The following SPMIP1 variants were observed in gnomAD, a reference collection of about 807,000 sequenced individuals.
SPMIP1 encodes the protein sperm microtubule inner protein 1, also known as protein SPMIP1.
the SPMIP1 span, chr7:128,866,583 C>T: frequency 6.5e-7 from 1 of 1,535,536 alleles, no homozygotes; most frequent in Non-Finnish European, 8.7e-7. Flanking sequence ...CCCTGCACCC[C>T]AAAGCCCCAC....
chr7:128,871,379 A>G, the SPMIP1 span: 1 of 152,242 alleles, frequency 6.6e-6, no homozygotes, highest in South Asian at 2.1e-4. Context: ...GGCCCAGAGA[A>G]GAAACCCGCT....
chr7:128,868,867 T>G, the SPMIP1 span: 1 of 801,806 alleles, frequency 1.2e-6, no homozygotes, highest in African/African-American at 1.7e-5. Context: ...GCCCCTCTGC[T>G]CTCCCTGTCC....
chr7:128,866,635 C>G, the SPMIP1 span: 3 of 1,308,474 alleles, frequency 2.3e-6, no homozygotes, highest in Non-Finnish European at 3.0e-6. Flanking sequence ...TTCCAAGGTG[C>G]CCAGCCCTGT....
chr7:128,868,866 C>A, the SPMIP1 span: 1 of 802,640 alleles, frequency 1.2e-6, no homozygotes, highest in South Asian at 1.7e-5. Context: ...TGCCCCTCTG[C>A]TCTCCCTGTC....
the SPMIP1 span, chr7:128,871,319 C>T: frequency 1.3e-5 from 2 of 152,238 alleles, no homozygotes; most frequent in Non-Finnish European, 2.9e-5. Context: ...TGCTGGGTGC[C>T]TGGGTTCCTC....
At chr7:128,869,153 C>T in the SPMIP1 span, 1 of 355,496 alleles carries the variant, frequency 2.8e-6, no homozygotes, top group Non-Finnish European at 5.0e-6. Context: ...CCTCCTTGCC[C>T]GCCCCTCACC....
At chr7:128,866,788 C>T in the SPMIP1 span, 11 of 1,535,716 alleles carry the variant, frequency 7.2e-6, no homozygotes, top group Middle Eastern at 1.7e-4. Flanking sequence ...GACGCGATAC[C>T]TCTTCCCCAT....
chr7:128,866,663 A>C, the SPMIP1 span: 7 of 1,519,932 alleles, frequency 4.6e-6, no homozygotes, highest in East Asian at 1.7e-4. Flanking sequence ...GCGCCTTTTC[A>C]GTCGGAAATG....
At chr7:128,867,588 T>G in the SPMIP1 span, among the ~76,000 whole-genome samples, 1 of 152,108 alleles carries the variant, frequency 6.6e-6, no homozygotes, top group African/African-American at 2.4e-5. Flanking sequence ...TTCTTTTTCT[T>G]TTTGAAACAG....
the SPMIP1 span, among the ~76,000 whole-genome samples, chr7:128,867,477 G>A: frequency 6.6e-6 from 1 of 152,214 alleles, no homozygotes; most frequent in African/African-American, 2.4e-5. Context: ...GCTATGTTAT[G>A]CTTGAAGTGT....
At chr7:128,870,323 CCTGGACT>C in the SPMIP1 span, 1 of 152,172 alleles carries the variant, frequency 6.6e-6, no homozygotes, top group East Asian at 1.9e-4. Flanking sequence ...CATCTTCTTC[CCTGGACT>C]CTGGGGACTC....
the SPMIP1 span, chr7:128,866,580 C>A: frequency 6.5e-6 from 10 of 1,534,400 alleles, no homozygotes; most frequent in Non-Finnish European, 7.8e-6. Context: ...CCACCCTGCA[C>A]CCCAAAGCCC....
At chr7:128,868,765 T>TG in the SPMIP1 span, 1 of 1,533,888 alleles carries the variant, frequency 6.5e-7, no homozygotes. Context: ...CCCCGAGACC[T>TG]GGCCCTCTGA....
the SPMIP1 span, chr7:128,869,210 C>T: frequency 3.4e-4 from 87 of 252,204 alleles, no homozygotes; most frequent in African/African-American, 1.6e-3. Flanking sequence ...GATGCATTTG[C>T]TCCAGCTGCT....
chr7:128,870,746 G>T, the SPMIP1 span: 1 of 152,276 alleles, frequency 6.6e-6, no homozygotes, highest in African/African-American at 2.4e-5. Flanking sequence ...GAAAGGAAAA[G>T]CACTTTGGGC....
At chr7:128,868,319 T>TAACA in the SPMIP1 span, among the ~76,000 whole-genome samples, 1 of 152,138 alleles carries the variant, frequency 6.6e-6, no homozygotes, top group Non-Finnish European at 1.5e-5. Flanking sequence ...AATAACTTTC[T>TAACA]AACAAAAGCA....
At chr7:128,866,786 A>G in the SPMIP1 span, 1 of 1,535,822 alleles carries the variant, frequency 6.5e-7, no homozygotes. Flanking sequence ...GAGACGCGAT[A>G]CCTCTTCCCC....
chr7:128,866,873 A>G, the SPMIP1 span: 1 of 1,493,512 alleles, frequency 6.7e-7, no homozygotes, highest in Non-Finnish European at 8.9e-7. Context: ...ACAGAGCACT[A>G]GCCATGTGCT....
the SPMIP1 span, chr7:128,868,696 G>C: frequency 6.5e-7 from 1 of 1,535,836 alleles, no homozygotes; most frequent in Admixed American, 2.0e-5. Context: ...CTGGTCTCCT[G>C]CAAGATGTGC....
Sources: gnomAD v4.1 joint callset for allele counts (sites outside exome capture counted in the v4.1 genomes callset) on GRCh38, gnomAD v4.1.1 for gene constraint, MANE v1.5 for transcripts, NCBI Gene and HGNC (gene_info 2026-07-23, HGNC 2026-07-21) for gene names.